The following AFF2 variants were observed in gnomAD, a reference collection of about 807,000 sequenced individuals.
AFF2 encodes the protein ALF transcription elongation factor 2.
In AFF2, 14 loss-of-function variants were observed where a neutral mutation model predicts 76.9. The observed-to-expected ratio is 0.18, with a 90% CI of 0.12 to 0.28. The LOEUF (loss-of-function observed/expected upper bound fraction) is 0.28. AFF2 is among the 10% of genes least tolerant of loss of function. The pLI is 1.00. For synonymous variants in AFF2, 398 were observed against 366.7 expected (o/e 1.09, Z -0.98); for missense variants, 868 against 1,001.1 (o/e 0.87, Z 1.79).
intron 1 of AFF2, among the ~76,000 whole-genome samples, chrX:148,625,614 G>C (rs1557251955): frequency 2.7e-5 from 3 of 111,074 alleles, no homozygotes; most frequent in Non-Finnish European, 5.7e-5. Flanking sequence ...TCAGATGCCA[G>C]TTACCTTTCT....
intron 1 of AFF2, among the ~76,000 whole-genome samples, chrX:148,552,411 G>A (rs1198414119): frequency 8.9e-6 from 1 of 111,756 alleles, no homozygotes; most frequent in Non-Finnish European, 1.9e-5. Flanking sequence ...GTCTTCACAA[G>A]CCAGGTGAAT....
At chrX:148,526,081 A>T (rs2052655002) in intron 1 of AFF2, among the ~76,000 whole-genome samples, 1 of 111,844 alleles carries the variant, frequency 8.9e-6, no homozygotes, top group Non-Finnish European at 1.9e-5. Context: ...TCCGTGAGCA[A>T]GAAGATCAGT....
intron 19 of AFF2, among the ~76,000 whole-genome samples, chrX:148,983,965 A>AAAAAAAC (rs1438744109): frequency 4.0e-5 from 4 of 99,780 alleles, no homozygotes; most frequent in African/African-American, 1.5e-4. Flanking sequence ...AAAAAAAAAA[A>AAAAAAAC]AAACTGCCCT....
intron 1 of AFF2, among the ~76,000 whole-genome samples, chrX:148,627,705 C>T (rs967847300): frequency 9.0e-6 from 1 of 111,628 alleles, no homozygotes; most frequent in African/African-American, 3.3e-5. Context: ...GGGAAGGAGG[C>T]AAAGATGATG....
intron 2 of AFF2, among the ~76,000 whole-genome samples, chrX:148,654,020 A>G (rs2054228161): frequency 9.0e-6 from 1 of 111,342 alleles, no homozygotes; most frequent in African/African-American, 3.3e-5. Context: ...GTATCAGTGG[A>G]AGCTGTGAGA....
chrX:148,764,821 T>C (rs2069493198), intron 3 of AFF2, among the ~76,000 whole-genome samples: 1 of 111,989 alleles, frequency 8.9e-6, no homozygotes, highest in Non-Finnish European at 1.9e-5. Context: ...TTCTGAATGG[T>C]TGTACTCAAA....
At chrX:148,762,480 A>ATGTG (rs144985699) in intron 3 of AFF2, among the ~76,000 whole-genome samples, 19,521 of 91,879 alleles carry the variant, frequency 0.21, 1,850 homozygotes, top group Non-Finnish European at 0.28. Context: ...ACATATGTAT[A>ATGTG]TGTGTGTGTG....
At position 148,581,530 on chromosome X, in the gene AFF2, A is replaced by ATG. The variant is rs1557244954; in HGVS notation, c.48-70468_48-70467insGT. Among the ~76,000 whole-genome samples, 25 of 99,344 alleles carry ATG rather than the reference A, an allele frequency of 2.5e-4. 3 individuals carry two copies. Among genetic ancestry groups the ATG allele is most frequent in the African/African-American group, 8.3e-4 (22 of 26,377 alleles). 86.3% of individuals were successfully genotyped at this position (99,344 alleles called of 115,157 possible). On this transcript the variant is annotated intron_variant, in intron 1 of 20. Coordinates refer to ENST00000370460, the MANE Select transcript of AFF2 (RefSeq NM_002025.4). ...TACGTATACGTCTACGTGTACACAC[A>ATG]TATATACGTATACGTCTACGTGTAC...
chrX:148,885,264 G>A lies in AFF2; in HGVS notation c.1263-625G>A, dbSNP rs137954148. ...CAGGTGCCTTGCCTTAGGAGAGAAAGATTTCTTATCCACATCATGGGCTTA... is the reference window on the plus strand; with the variant it reads ...CAGGTGCCTTGCCTTAGGAGAGAAAAATTTCTTATCCACATCATGGGCTTA... On this transcript the variant is annotated intron_variant, in intron 7 of 20. Coordinates refer to ENST00000370460, the MANE Select transcript of AFF2 (RefSeq NM_002025.4). 8.1e-3 allele frequency among the ~76,000 whole-genome samples: 910 copies of A among 111,703 alleles called. 6 individuals carry two copies. Among genetic ancestry groups the A allele is most frequent in the African/African-American group, 0.028 (850 of 30,757 alleles).
intron 1 of AFF2, chrX:148,547,182 GACGGGA>G: frequency 9.5e-6 from 1 of 105,537 alleles, no homozygotes; most frequent in Non-Finnish European, 1.9e-5. Flanking sequence ...TTTTGAACAT[GACGGGA>G]ATTCAAAGAA....
At chrX:148,815,587 G>T (rs1251158108) in intron 4 of AFF2, among the ~76,000 whole-genome samples, 1 of 111,630 alleles carries the variant, frequency 9.0e-6, no homozygotes. Context: ...GCTTCCAAAT[G>T]CACTTAGAAC....
chrX:148,549,086 G>A (rs782754919), intron 1 of AFF2, among the ~76,000 whole-genome samples: 6 of 112,108 alleles, frequency 5.4e-5, no homozygotes, highest in Admixed American at 9.4e-5. Context: ...CATTCTAGGC[G>A]AGTGAAAATG....
chrX:148,948,962 G>C (rs1191341055), intron 9 of AFF2, among the ~76,000 whole-genome samples: 1 of 111,147 alleles, frequency 9.0e-6, no homozygotes, highest in African/African-American at 3.3e-5. Flanking sequence ...GTTTTTAAAA[G>C]TATTTCCTGA....
At chrX:148,852,465 T>A (rs2070742856) in intron 7 of AFF2, among the ~76,000 whole-genome samples, 1 of 109,327 alleles carries the variant, frequency 9.1e-6, no homozygotes, top group Non-Finnish European at 1.9e-5. Context: ...TTTTTCTATT[T>A]TTCAAAAGAA....
chrX:148,981,678 A>G (rs781934844), intron 19 of AFF2, among the ~76,000 whole-genome samples: 3 of 111,989 alleles, frequency 2.7e-5, no homozygotes, highest in Non-Finnish European at 5.6e-5. Flanking sequence ...AAACTAGATG[A>G]CTGTGGACAT....
At chrX:148,732,622 A>C (rs1321222634) in intron 3 of AFF2, among the ~76,000 whole-genome samples, 1 of 107,393 alleles carries the variant, frequency 9.3e-6, no homozygotes, top group Middle Eastern at 4.3e-3. Context: ...AAAAAAAAAA[A>C]AAACTACTGT....
intron 9 of AFF2, among the ~76,000 whole-genome samples, chrX:148,942,161 A>G (rs1603344445): frequency 9.3e-6 from 1 of 107,567 alleles, no homozygotes; most frequent in East Asian, 3.0e-4. Context: ...ACTTCATATT[A>G]TTTGAATTTG....
intron 3 of AFF2, among the ~76,000 whole-genome samples, chrX:148,717,839 C>T (rs1301413586): frequency 1.8e-5 from 2 of 111,102 alleles, no homozygotes; most frequent in Admixed American, 1.9e-4. Flanking sequence ...TTTTAGACAC[C>T]ACTGGCTGCA....
chrX:148,830,178 C>T (rs1297188166), intron 4 of AFF2, among the ~76,000 whole-genome samples: 1 of 111,967 alleles, frequency 8.9e-6, no homozygotes. Flanking sequence ...TCCCACATGC[C>T]CTACTTCCCT....
Sources: gnomAD v4.1 joint callset for allele counts (sites outside exome capture counted in the v4.1 genomes callset) on GRCh38, gnomAD v4.1.1 for gene constraint, MANE v1.5 for transcripts, NCBI Gene and HGNC (gene_info 2026-07-23, HGNC 2026-07-21) for gene names.